LRBA: variants seen among roughly 807,000 people sequenced by gnomAD.
The protein encoded by LRBA is LPS responsive beige-like anchor protein.
A neutral mutation model predicts 330.0 loss-of-function variants in LRBA; 176 were observed. That is an observed-to-expected ratio of 0.53 (90% CI 0.47 to 0.60). LRBA has a LOEUF of 0.60. Ranked by LOEUF, LRBA falls within the 20% of genes least tolerant of loss-of-function variation. LRBA has a pLI of 0.00. For missense variants in LRBA, 3,259 were observed against 3,444.8 expected (o/e 0.95, Z 1.35); for synonymous variants, 1,230 against 1,193.0 (o/e 1.03, Z -0.64).
At chr4:150,377,675 T>TA (rs1431448590) in intron 47 of LRBA, among the ~76,000 whole-genome samples, 1 of 152,128 alleles carries the variant, frequency 6.6e-6, no homozygotes, top group Non-Finnish European at 1.5e-5. Context: ...ATAATTAATA[T>TA]AAAAAATTAA....
At chr4:150,691,582 C>A (rs1784141058) in intron 36 of LRBA, among the ~76,000 whole-genome samples, 1 of 152,206 alleles carries the variant, frequency 6.6e-6, no homozygotes, top group South Asian at 2.1e-4. Context: ...CTGGAACTCT[C>A]ATACCTACCT....
At chr4:150,790,755 A>C (rs959832239) in intron 34 of LRBA, among the ~76,000 whole-genome samples, 6 of 152,188 alleles carry the variant, frequency 3.9e-5, no homozygotes, top group Non-Finnish European at 8.8e-5. Flanking sequence ...CCTTCTTTTA[A>C]GGTCAACTGT....
chr4:150,605,896 A>G (rs916222329), intron 37 of LRBA, among the ~76,000 whole-genome samples: 2 of 152,194 alleles, frequency 1.3e-5, no homozygotes, highest in African/African-American at 4.8e-5. Flanking sequence ...AACAAAAACA[A>G]AAACAAACCC....
chr4:150,583,244 C>T lies in LRBA; in HGVS notation c.6330+4804G>A, dbSNP rs1771636282. On this transcript the variant is annotated intron_variant, in intron 40 of 56. Transcript: ENST00000651943. The surrounding 1 kb of genome is among the most constrained non-coding windows in gnomAD (Gnocchi z 9.8). ...GAGGGGCTCGAGGTCATTTCGCCCA[C>T]CGAATTTGAGGTGGTGCTCTACCTA... 6.2e-7 allele frequency: 1 copy of T among 1,614,118 alleles called. No homozygotes were observed. Among genetic ancestry groups the T allele is most frequent in the African/African-American group, 1.3e-5 (1 of 74,946 alleles).
In LRBA at chr4:150,906,330, C is replaced by G. The variant is rs761595221; in HGVS notation, c.1569G>C (p.Lys523Asn). 5.9e-5 allele frequency: 95 copies of G among 1,610,222 alleles called. No individual in the cohort carries two copies. The highest frequency in any genetic ancestry group is 5.0e-5 in the Non-Finnish European group (59 of 1,176,922). Residue 523 changes from lysine to asparagine, a missense_variant, in exon 12 of 57, where the codon AAG (lysine) becomes AAC (asparagine). Transcript: ENST00000651943. Reference protein sequence around the residue: ...IAMQEQMLACKGFLVIGYSLE... With the variant: ...IAMQEQMLACNGFLVIGYSLE... ...GGCTATATCCTATTACCAAGAAGCC[C>G]TTACAGGCAAGCATCTGTTCCTGCA...
chr4:150,899,845 C>CCA (rs1420992134), intron 14 of LRBA, among the ~76,000 whole-genome samples: 10 of 152,042 alleles, frequency 6.6e-5, no homozygotes, highest in Non-Finnish European at 1.0e-4. Context: ...TAGTATTCTT[C>CCA]CACACAAGTA....
At chr4:150,599,937 A>G (rs1455060081) in intron 37 of LRBA, among the ~76,000 whole-genome samples, 2 of 152,186 alleles carry the variant, frequency 1.3e-5, no homozygotes, top group African/African-American at 4.8e-5. Flanking sequence ...TATGATGTGC[A>G]ATAATTGCTA....
chr4:150,655,485 G>T (rs1780094944), intron 37 of LRBA, among the ~76,000 whole-genome samples: 1 of 152,132 alleles, frequency 6.6e-6, no homozygotes, highest in African/African-American at 2.4e-5. Flanking sequence ...GGGGTTGCTG[G>T]GTGAAGGAAT....
intron 37 of LRBA, among the ~76,000 whole-genome samples, chr4:150,658,146 T>G (rs1049720433): frequency 6.6e-6 from 1 of 151,208 alleles, no homozygotes; most frequent in Non-Finnish European, 1.5e-5. Flanking sequence ...ACTCCACAGA[T>G]ATTGTGCTCT....
intron 37 of LRBA, among the ~76,000 whole-genome samples, chr4:150,639,251 C>G (rs1330550626): frequency 5.0e-5 from 7 of 140,298 alleles, no homozygotes; most frequent in Non-Finnish European, 1.1e-4. Flanking sequence ...GGGAGATAAA[C>G]CTAATGCTAG....
intron 35 of LRBA, among the ~76,000 whole-genome samples, chr4:150,751,205 T>C (rs918063757): frequency 3.3e-5 from 5 of 152,094 alleles, no homozygotes; most frequent in Admixed American, 6.6e-5. Context: ...AAGAATATTA[T>C]AAAAAGTGAT....
intron 22 of LRBA, among the ~76,000 whole-genome samples, chr4:150,860,727 C>A (rs1203033222): frequency 6.6e-6 from 1 of 151,906 alleles, no homozygotes; most frequent in Non-Finnish European, 1.5e-5. Context: ...CTCAGGGAGG[C>A]TGAGGCAGAA....
intron 37 of LRBA, among the ~76,000 whole-genome samples, chr4:150,600,049 T>C (rs766334849): frequency 1.3e-5 from 2 of 152,226 alleles, no homozygotes; most frequent in South Asian, 4.1e-4. Context: ...TGGCAATATA[T>C]AAATGTCAGC....
chr4:150,780,661 G>GTATATA (rs1560807695), intron 34 of LRBA, among the ~76,000 whole-genome samples: 346 of 8,100 alleles, frequency 0.043, 2 homozygotes, highest in African/African-American at 0.083. Flanking sequence ...ATATATATAC[G>GTATATA]TGTGTGTGTG....
At chr4:150,930,082 A>T (rs1734314917) in intron 2 of LRBA, among the ~76,000 whole-genome samples, 1 of 152,188 alleles carries the variant, frequency 6.6e-6, no homozygotes, top group South Asian at 2.1e-4. Context: ...TGGGAGACCG[A>T]GGCAGGCGGA....
At position 150,775,896 on chromosome 4, in the gene LRBA, G is replaced by C. The variant is rs182584406; in HGVS notation, c.5581-14049C>G. On this transcript the variant is annotated intron_variant, in intron 34 of 56. Transcript: ENST00000651943. The stretch of plus-strand genomic sequence containing the variant: ...GAGAGGAGGAGGGAAAAGAGAAGAA[G>C]GAGCAGAGAAGAGAGAGGAGGGCAG... Among the ~76,000 whole-genome samples the C allele has an allele frequency of 4.7e-5, 7 of 148,412 alleles. No homozygotes were observed. In the Admixed American group the frequency reaches 4.7e-4, roughly 10 times the overall value.
chr4:150,889,444 C>A (rs753986247), intron 17 of LRBA, among the ~76,000 whole-genome samples: 4 of 152,134 alleles, frequency 2.6e-5, no homozygotes, highest in Non-Finnish European at 5.9e-5. Context: ...TGATCGAGAC[C>A]ATCCTGGCCA....
chr4:150,392,308 T>C (rs1460407996), intron 47 of LRBA, among the ~76,000 whole-genome samples: 1 of 152,106 alleles, frequency 6.6e-6, no homozygotes, highest in African/African-American at 2.4e-5. Context: ...TAAGAGCCCT[T>C]TTACTGGATT....
intron 28 of LRBA, among the ~76,000 whole-genome samples, chr4:150,836,996 C>G (rs1046320911): frequency 6.6e-6 from 1 of 152,076 alleles, no homozygotes; most frequent in Non-Finnish European, 1.5e-5. Context: ...TATGTTGTGT[C>G]TTTGTTCTCA....
Sources: allele counts gnomAD v4.1 joint callset (sites outside exome capture counted in the v4.1 genomes callset), GRCh38; gene constraint gnomAD v4.1.1; non-coding constraint Gnocchi (gnomAD v3.1); transcripts MANE v1.5; gene names NCBI Gene and HGNC (gene_info 2026-07-23, HGNC 2026-07-21).